ERC1: variants seen among roughly 807,000 people sequenced by gnomAD.
The protein encoded by ERC1 is RAB6 interacting protein 2.
ERC1 carries 56 observed loss-of-function variants against 132.0 expected under a neutral mutation model. The observed-to-expected ratio is 0.42, with a 90% CI of 0.34 to 0.53. The LOEUF is 0.53. ERC1 is among the 20% of genes least tolerant of loss of function. The pLI is 0.03. For missense variants in ERC1, 1,202 were observed against 1,349.9 expected, an observed-to-expected ratio of 0.89 and a Z score of 1.72; for synonymous variants, 478 against 476.1, an observed-to-expected ratio of 1.00 and a Z score of -0.05.
intron 1 of ERC1, among the ~76,000 whole-genome samples, chr12:1,001,592 A>T (rs1471154810): frequency 6.6e-6 from 1 of 151,864 alleles, no homozygotes. Context: ...GTGTGTGTAG[A>T]CCTTTTTAGT....
intron 8 of ERC1, among the ~76,000 whole-genome samples, chr12:1,155,586 C>T (rs1951307408): frequency 6.6e-6 from 1 of 151,984 alleles, no homozygotes; most frequent in South Asian, 2.1e-4. Context: ...ACACCATTCT[C>T]CTGCCTCAGC....
intron 2 of ERC1, among the ~76,000 whole-genome samples, chr12:1,051,455 C>T (rs888546459): frequency 4.7e-5 from 7 of 148,920 alleles, no homozygotes; most frequent in Non-Finnish European, 8.9e-5. Context: ...TTTGGGAGGC[C>T]GAGGCAGGAG....
At chr12:1,001,483 A>G (rs1962257442) in intron 1 of ERC1, among the ~76,000 whole-genome samples, 1 of 152,236 alleles carries the variant, frequency 6.6e-6, no homozygotes, top group Non-Finnish European at 1.5e-5. Context: ...CCTTACTGAC[A>G]TTCCACAAGC....
chr12:1,440,379 T>G (rs918179487), intron 17 of ERC1, among the ~76,000 whole-genome samples: 1 of 150,612 alleles, frequency 6.6e-6, no homozygotes, highest in Non-Finnish European at 1.5e-5. Flanking sequence ...TAATTTTTTT[T>G]GTATTTTTAG....
At chr12:1,187,315 TTTG>T (rs1376097836) in intron 11 of ERC1, among the ~76,000 whole-genome samples, 1 of 152,178 alleles carries the variant, frequency 6.6e-6, no homozygotes, top group Non-Finnish European at 1.5e-5. Flanking sequence ...TGATACAGAA[TTTG>T]TTGTCATAAG....
At chr12:1,022,226 A>T (rs887012192) in intron 1 of ERC1, among the ~76,000 whole-genome samples, 4 of 152,104 alleles carry the variant, frequency 2.6e-5, no homozygotes, top group Admixed American at 2.6e-4. Flanking sequence ...CAAGAAGTAC[A>T]TTTTATATTG....
chr12:1,290,760 G>C (rs968652988), intron 15 of ERC1, among the ~76,000 whole-genome samples: 1 of 53,074 alleles, frequency 1.9e-5, no homozygotes, highest in Admixed American at 1.4e-4. Context: ...GGATCCCTCA[G>C]TTACCCTCAG....
chr12:1,177,346 C>T (rs1431738992), intron 8 of ERC1, among the ~76,000 whole-genome samples: 1 of 152,168 alleles, frequency 6.6e-6, no homozygotes, highest in Non-Finnish European at 1.5e-5. Context: ...CCTCACTAAG[C>T]TTAATCTTTT....
intron 3 of ERC1, among the ~76,000 whole-genome samples, chr12:1,102,662 C>A (rs1944801408): frequency 6.6e-6 from 1 of 152,166 alleles, no homozygotes; most frequent in South Asian, 2.1e-4. Context: ...TGCTTTGGAT[C>A]CATCAGTGAA....
At chr12:1,440,218 TC>T (rs1555094406) in intron 17 of ERC1, among the ~76,000 whole-genome samples, 3 of 143,628 alleles carry the variant, frequency 2.1e-5, no homozygotes, top group Non-Finnish European at 3.0e-5. Context: ...TTTTTTTTTT[TC>T]CTTGAGACAG....
intron 13 of ERC1, among the ~76,000 whole-genome samples, chr12:1,256,962 T>C (rs2154319460): frequency 6.6e-6 from 1 of 150,872 alleles, no homozygotes; most frequent in East Asian, 2.0e-4. Context: ...CATCCTTCAG[T>C]TTGACTCCAA....
intron 18 of ERC1, among the ~76,000 whole-genome samples, chr12:1,454,310 T>C (rs369680353): frequency 6.6e-6 from 1 of 152,202 alleles, no homozygotes; most frequent in Non-Finnish European, 1.5e-5. Flanking sequence ...CTTTGAAATA[T>C]CCTTTGTAAT....
intron 15 of ERC1, among the ~76,000 whole-genome samples, chr12:1,349,457 T>C (rs372882857): frequency 7.9e-5 from 12 of 151,744 alleles, no homozygotes; most frequent in East Asian, 1.9e-4. Context: ...AGATCAGGAG[T>C]CCAAGACCAC....
chr12:1,443,019 T>C (rs1239311400), intron 17 of ERC1, among the ~76,000 whole-genome samples: 1 of 151,972 alleles, frequency 6.6e-6, no homozygotes, highest in Non-Finnish European at 1.5e-5. Flanking sequence ...ACCATTCTCC[T>C]GCCTCTGCCT....
chr12:1,269,992 A>C (rs989916766), intron 14 of ERC1, among the ~76,000 whole-genome samples: 3 of 152,198 alleles, frequency 2.0e-5, no homozygotes, highest in African/African-American at 7.2e-5. Flanking sequence ...AATTGAAATA[A>C]AACCTAATTA....
chr12:1,418,666 T>TTTCTTTCTTTCTTTCTTTC (rs1555077126), intron 17 of ERC1, among the ~76,000 whole-genome samples: 2 of 86,716 alleles, frequency 2.3e-5, no homozygotes, highest in African/African-American at 1.0e-4. Flanking sequence ...TCTCTCTTTC[T>TTTCTTTCTTTCTTTCTTTC]TTTCTTTCTT....
chr12:1,428,551 A>G (rs751487581), intron 17 of ERC1, among the ~76,000 whole-genome samples: 26 of 151,758 alleles, frequency 1.7e-4, no homozygotes, highest in Non-Finnish European at 3.5e-4. Context: ...CTACGACTTG[A>G]CCTTTTTTTA....
At chr12:1,380,989 TGAGGCCAG>T (rs2088584942) in intron 16 of ERC1, 2 of 152,242 alleles carry the variant, frequency 1.3e-5, no homozygotes, top group South Asian at 4.1e-4. Context: ...TCCTCGATAA[TGAGGCCAG>T]CCTCAGAGAG....
intron 15 of ERC1, among the ~76,000 whole-genome samples, chr12:1,348,692 T>TAA (rs79204701): frequency 7.2e-6 from 1 of 139,052 alleles, no homozygotes; most frequent in Non-Finnish European, 1.6e-5. Context: ...AGACTCCATC[T>TAA]AAAAAAAAAA....
Sources: gnomAD v4.1 joint callset for allele counts (sites outside exome capture counted in the v4.1 genomes callset) on GRCh38, gnomAD v4.1.1 for gene constraint, MANE v1.5 for transcripts, NCBI Gene and HGNC (gene_info 2026-07-23, HGNC 2026-07-21) for gene names.